RBFOX1: variants seen among roughly 807,000 people sequenced by gnomAD.
RBFOX1 encodes the protein RNA binding protein fox-1 homolog 1.
In RBFOX1, 8 loss-of-function variants were observed where a neutral mutation model predicts 57.7. The observed-to-expected ratio is 0.14, with a 90% CI of 0.08 to 0.25. The LOEUF (loss-of-function observed/expected upper bound fraction) is 0.25, where lower values mean the gene tolerates loss of function less well. Among genes scored for constraint, RBFOX1 ranks in the 10% least tolerant of loss-of-function variants. The probability of loss-of-function intolerance (pLI) is 1.00; values close to 1 mark genes in which losing one functional copy is unlikely to be tolerated. For missense variants in RBFOX1, 611 were observed against 548.5 expected, an observed-to-expected ratio of 1.11 and a Z score of -1.14; for synonymous variants, 326 against 222.4, an observed-to-expected ratio of 1.47 and a Z score of -4.15.
At chr16:5,854,296 G>A (rs571780377) in intron 3 of RBFOX1, among the ~76,000 whole-genome samples, 2 of 152,312 alleles carry the variant, frequency 1.3e-5, no homozygotes, top group East Asian at 1.9e-4. Context: ...CTTATCCTGC[G>A]TAACTGAAAC....
chr16:7,120,715 C>G (rs555738021), intron 4 of RBFOX1, among the ~76,000 whole-genome samples: 1 of 146,610 alleles, frequency 6.8e-6, no homozygotes, highest in South Asian at 2.1e-4. Flanking sequence ...AAAAACTATA[C>G]ACAGTCTCTT....
At chr16:5,410,574 A>C (rs531003969) in intron 1 of RBFOX1, among the ~76,000 whole-genome samples, 1 of 152,210 alleles carries the variant, frequency 6.6e-6, no homozygotes, top group Admixed American at 6.5e-5. Flanking sequence ...CTGCAGGAGA[A>C]ACGTCAGTCT....
intron 3 of RBFOX1, among the ~76,000 whole-genome samples, chr16:6,763,457 T>C (rs954248613): frequency 6.6e-6 from 1 of 152,206 alleles, no homozygotes; most frequent in Non-Finnish European, 1.5e-5. Context: ...GTCTTATTCA[T>C]GGATATTTCA....
intron 2 of RBFOX1, among the ~76,000 whole-genome samples, chr16:6,400,602 G>A (rs1160179003): frequency 6.6e-6 from 1 of 152,186 alleles, no homozygotes; most frequent in East Asian, 1.9e-4. Flanking sequence ...ACAGAAATCA[G>A]GCTGGGCCTT....
At chr16:7,626,059 TAGG>T (rs2060021512) in intron 10 of RBFOX1, among the ~76,000 whole-genome samples, 1 of 152,240 alleles carries the variant, frequency 6.6e-6, no homozygotes, top group Non-Finnish European at 1.5e-5. Flanking sequence ...ATAGGGTTTC[TAGG>T]AGAAGCCAGA....
rs530953797 is a variant in RBFOX1, at chr16:7,094,766, G to A, written c.27+42668G>A. Among the ~76,000 whole-genome samples the A allele has an allele frequency of 2.9e-3, 416 of 141,246 alleles. 2 individuals are homozygous for A. The highest frequency in any genetic ancestry group is 0.01 in the African/African-American group (405 of 40,444). 92.7% of individuals were successfully genotyped at this position (141,246 alleles called of 152,430 possible). ...CAGCTGTGTGTGTGTGTGTGTGTGT[G>A]TGTGTGTGTGGGTGTGTGTGTGTGT... On this transcript the variant is annotated intron_variant, in intron 4 of 15. Transcript: ENST00000550418.
chr16:5,589,164 G>A (rs960288205), intron 2 of RBFOX1, among the ~76,000 whole-genome samples: 1 of 152,214 alleles, frequency 6.6e-6, no homozygotes. Flanking sequence ...AGGACCCACT[G>A]TAAGAAGCTG....
At chr16:7,416,869 T>A (rs1389261617) in intron 4 of RBFOX1, among the ~76,000 whole-genome samples, 2 of 152,078 alleles carry the variant, frequency 1.3e-5, no homozygotes, top group African/African-American at 4.8e-5. Context: ...TCTCATTCAA[T>A]CCCCGACAAC....
At position 7,710,401 on chromosome 16, in the gene RBFOX1, C is replaced by G. The variant is rs1473227531; in HGVS notation, c.1072-222C>G. 8 of 1,389,790 alleles carry G rather than the reference C, an allele frequency of 5.8e-6. No individual in the cohort carries two copies. In the East Asian group the frequency reaches 1.7e-4, roughly 29 times the overall value. 86.1% of individuals were successfully genotyped at this position (1,389,790 alleles called of 1,614,324 possible). Reference sequence around the variant, plus strand: ...GAGTCCTTTTAGCTAAGAGGACTGGCTGACAGAATTTGGTTTTGCAGGGAA... The same window carrying G: ...GAGTCCTTTTAGCTAAGAGGACTGGGTGACAGAATTTGGTTTTGCAGGGAA... On this transcript the variant is annotated intron_variant, in intron 15 of 15. Coordinates refer to ENST00000550418, the MANE Select transcript of RBFOX1 (RefSeq NM_018723.4).
intron 2 of RBFOX1, among the ~76,000 whole-genome samples, chr16:6,375,018 T>G (rs1471492724): frequency 1.3e-5 from 2 of 151,768 alleles, no homozygotes; most frequent in Non-Finnish European, 2.9e-5. Flanking sequence ...CATTGAGTGC[T>G]TATTTGCTCC....
chr16:6,557,251 T>C (rs2097117944), intron 2 of RBFOX1, among the ~76,000 whole-genome samples: 2 of 151,314 alleles, frequency 1.3e-5, no homozygotes, highest in African/African-American at 2.4e-5. Flanking sequence ...GCCCTTCTTT[T>C]TCGGGTGATG....
intron 4 of RBFOX1, among the ~76,000 whole-genome samples, chr16:7,058,985 T>G (rs1346736873): frequency 1.3e-5 from 2 of 152,202 alleles, no homozygotes; most frequent in African/African-American, 2.4e-5. Flanking sequence ...TGAAAGAGGT[T>G]GTAGAGCAGA....
Position 5,638,345 on chromosome 16 carries a change from A to G in RBFOX1, c.318+39384A>G, listed in dbSNP as rs114112074. The stretch of plus-strand genomic sequence containing the variant: ...CCTTATGACACAGAGGTGATTAAAG[A>G]TGCTAAACGTTGTTTGGTACTTGAC... On this transcript the variant is annotated intron_variant, in intron 3 of 19. Transcript: ENST00000641259. Among the ~76,000 whole-genome samples the G allele has an allele frequency of 2.9e-3, 445 of 152,306 alleles. 1 individual carries two copies. Among genetic ancestry groups the G allele is most frequent in the African/African-American group, 0.01 (431 of 41,560 alleles).
At chr16:7,076,822 G>C (rs1193918178) in intron 4 of RBFOX1, among the ~76,000 whole-genome samples, 1 of 152,156 alleles carries the variant, frequency 6.6e-6, no homozygotes, top group Non-Finnish European at 1.5e-5. Context: ...CCTCCTGTGA[G>C]CCCTGGGGAT....
chr16:6,110,458 T>C (rs578037797), intron 1 of RBFOX1, among the ~76,000 whole-genome samples: 41 of 152,260 alleles, frequency 2.7e-4, no homozygotes, highest in Admixed American at 8.5e-4. Context: ...ACAAACACAA[T>C]TGATACCTAA....
intron 3 of RBFOX1, among the ~76,000 whole-genome samples, chr16:6,741,488 A>G (rs62017580): frequency 0.08 from 12,202 of 152,022 alleles, 721 homozygotes; most frequent in Non-Finnish European, 0.12. Flanking sequence ...ACATGGCGAA[A>G]CCCTGTCTGT....
intron 3 of RBFOX1, among the ~76,000 whole-genome samples, chr16:6,724,181 T>C (rs1314834412): frequency 6.6e-6 from 1 of 151,690 alleles, no homozygotes; most frequent in African/African-American, 2.4e-5. Context: ...GTTGTCCTGA[T>C]ATGAGGACGG....
intron 1 of RBFOX1, among the ~76,000 whole-genome samples, chr16:5,320,156 A>G (rs1244795999): frequency 6.6e-6 from 1 of 152,238 alleles, no homozygotes; most frequent in Non-Finnish European, 1.5e-5. Context: ...GTTTATGTGC[A>G]TAGGTGTGCG....
At chr16:6,936,481 A>C (rs925753725) in intron 3 of RBFOX1, among the ~76,000 whole-genome samples, 1 of 152,116 alleles carries the variant, frequency 6.6e-6, no homozygotes, top group African/African-American at 2.4e-5. Flanking sequence ...CCTTCATCCA[A>C]CATTGAGTAA....
Sources: gnomAD v4.1 joint callset for allele counts (sites outside exome capture counted in the v4.1 genomes callset) on GRCh38, gnomAD v4.1.1 for gene constraint, MANE v1.5 for transcripts, NCBI Gene and HGNC (gene_info 2026-07-23, HGNC 2026-07-21) for gene names.